CUX1: variants seen among roughly 807,000 people sequenced by gnomAD.
CUX1 encodes the protein protein CASP.
In CUX1, 31 loss-of-function variants were observed where a neutral mutation model predicts 158.8. The observed-to-expected ratio is 0.20, with a 90% confidence interval of 0.15 to 0.26. The LOEUF (loss-of-function observed/expected upper bound fraction) is 0.26. Ranked by LOEUF, CUX1 falls within the 10% of genes least tolerant of loss-of-function variation. The pLI is 1.00. For missense variants in CUX1, 1,589 were observed against 2,014.6 expected (o/e 0.79, Z 4.04); for synonymous variants, 879 against 862.1 (o/e 1.02, Z -0.34).
At chr7:102,056,578 C>A (rs879364366) in intron 3 of CUX1, among the ~76,000 whole-genome samples, 3 of 152,182 alleles carry the variant, frequency 2.0e-5, no homozygotes, top group Non-Finnish European at 4.4e-5. Flanking sequence ...AAAAAAGGTT[C>A]TTTTCTTTTC....
At chr7:102,123,917 G>A (rs553728567) in intron 8 of CUX1, among the ~76,000 whole-genome samples, 239 of 152,176 alleles carry the variant, frequency 1.6e-3, no homozygotes, top group Non-Finnish European at 2.9e-3. Context: ...ACTCATCTCG[G>A]CCTCCCAAAG....
At chr7:101,853,587 GTGTGT>G (rs1562930284) in intron 1 of CUX1, among the ~76,000 whole-genome samples, 12 of 69,772 alleles carry the variant, frequency 1.7e-4, no homozygotes, top group South Asian at 1.4e-3. Flanking sequence ...TAGAAAGGGT[GTGTGT>G]GTGTGTGTGT....
At position 102,250,974 on chromosome 7, in the gene CUX1, A is replaced by T. The variant is rs116205699; in HGVS notation, c.*1932A>T. The T allele has an allele frequency of 1.1e-3, 1,071 of 937,556 alleles. 1 individual carries two copies. The highest frequency in any genetic ancestry group is 1.2e-3 in the Non-Finnish European group (918 of 787,612). 58.1% of individuals were successfully genotyped at this position (937,556 alleles called of 1,614,324 possible). A position where few individuals can be genotyped will look rare whatever the true frequency, so the allele number is the denominator to read the frequency against. ...ATAGATGATTTCGGTATATATATATATTTTTTTTTGCTTATTTATAGGTGC... is the reference window on the plus strand; with the variant it reads ...ATAGATGATTTCGGTATATATATATTTTTTTTTTTGCTTATTTATAGGTGC... On this transcript the variant is annotated 3_prime_UTR_variant, in exon 24 of 24. Transcript: ENST00000292535.
chr7:102,017,334 G>C (rs1490575801), intron 2 of CUX1, among the ~76,000 whole-genome samples: 1 of 150,926 alleles, frequency 6.6e-6, no homozygotes, highest in Non-Finnish European at 1.5e-5. Context: ...TCTGGGAAGA[G>C]CATCTCTTCA....
rs1819876893 is a variant in CUX1 at position 102,025,362 on chromosome 7, C to T, written c.142-2736C>T. On this transcript the variant is annotated intron_variant, in intron 2 of 23. Transcript: ENST00000292535. Reference sequence around the variant, plus strand: ...AGATTGGTGGCCAGGCATGGTGGCTCACGCCTGTAATCCACAGCACTTCAG... The same window carrying T: ...AGATTGGTGGCCAGGCATGGTGGCTTACGCCTGTAATCCACAGCACTTCAG... 2.0e-5 allele frequency among the ~76,000 whole-genome samples: 3 copies of T among 152,116 alleles called. No individual in the cohort carries two copies. In the South Asian group the frequency reaches 6.2e-4, roughly 31 times the overall value.
In CUX1 at chr7:101,913,172, G is replaced by A. The variant is rs188223369; in HGVS notation, c.31-2943G>A. The A allele has an allele frequency of 1.0e-4, 25 of 247,328 alleles. No individual in the cohort carries two copies. The Admixed American group carries it at 1.2e-3, about 11-fold the overall frequency. 15.3% of individuals were successfully genotyped at this position (247,328 alleles called of 1,614,324 possible). On this transcript the variant is annotated intron_variant, in intron 1 of 23. Coordinates refer to ENST00000292535, the MANE Select transcript of CUX1 (RefSeq NM_181552.4). Reference sequence around the variant, plus strand: ...GTTTTTTAAAAAAATTTTCTCCAAGGGACCTGGTCAAAGATTTCAAGCCTT... The same window carrying A: ...GTTTTTTAAAAAAATTTTCTCCAAGAGACCTGGTCAAAGATTTCAAGCCTT...
intron 21 of CUX1, 115 bp downstream of exon 21, chr7:102,227,784 C>T (rs529504570): frequency 2.9e-6 from 3 of 1,031,146 alleles, no homozygotes; most frequent in South Asian, 1.5e-5. Context: ...GTGTAGGCAC[C>T]CTTTGAGAAC....
At chr7:102,038,972 T>C (rs1437786038) in intron 3 of CUX1, among the ~76,000 whole-genome samples, 2 of 152,044 alleles carry the variant, frequency 1.3e-5, no homozygotes, top group East Asian at 3.9e-4. Flanking sequence ...ATAAATAAAC[T>C]TATTTGCCCT....
At chr7:101,956,162 AAGG>A (rs1268599913) in intron 2 of CUX1, among the ~76,000 whole-genome samples, 5 of 151,362 alleles carry the variant, frequency 3.3e-5, no homozygotes, top group East Asian at 1.9e-4. Context: ...AAAAAAAAAA[AAGG>A]AGGCAGCTTT....
chr7:101,906,274 G>T (rs1483912994), intron 1 of CUX1, among the ~76,000 whole-genome samples: 6 of 152,012 alleles, frequency 3.9e-5, no homozygotes, highest in African/African-American at 1.5e-4. Context: ...CAGACTAGGG[G>T]AGCTGCCACG....
chr7:102,223,360 G>A (rs1554527714), intron 20 of CUX1, among the ~76,000 whole-genome samples: 3 of 152,108 alleles, frequency 2.0e-5, no homozygotes, highest in African/African-American at 7.2e-5. Context: ...TCATGTGTCA[G>A]GCATTGTGGG....
intron 23 of CUX1, among the ~76,000 whole-genome samples, chr7:102,242,409 C>T (rs1800329005): frequency 1.3e-5 from 2 of 151,950 alleles, no homozygotes; most frequent in South Asian, 4.2e-4. Flanking sequence ...CTGGGTTTCA[C>T]CATGTTGGCC....
chr7:102,185,887 T>G (rs909790835), intron 11 of CUX1, among the ~76,000 whole-genome samples: 1 of 152,164 alleles, frequency 6.6e-6, no homozygotes, highest in African/African-American at 2.4e-5. Flanking sequence ...CCAGAGATTT[T>G]TTTCTTTCTT....
At position 102,240,155 on chromosome 7, in the gene CUX1, G is replaced by C. The variant is rs1014729637; in HGVS notation, c.3887+571G>C. On this transcript the variant is annotated intron_variant, in intron 23 of 23. Coordinates refer to ENST00000292535, the MANE Select transcript of CUX1 (RefSeq NM_181552.4). ...GGTGGTATCTGCCATGACCCAGAAA[G>C]AAAATCACCTCTCGATTACATCATT... Among the ~76,000 whole-genome samples the C allele has an allele frequency of 6.6e-5, 10 of 152,174 alleles. No homozygotes were observed. In the South Asian group the frequency reaches 8.3e-4, roughly 13 times the overall value.
At chr7:102,013,597 C>G (rs1329751147) in intron 2 of CUX1, among the ~76,000 whole-genome samples, 3 of 152,224 alleles carry the variant, frequency 2.0e-5, no homozygotes, top group Non-Finnish European at 4.4e-5. Flanking sequence ...AACAATTTTC[C>G]ATAGATCCAA....
At position 102,124,442 on chromosome 7, in the gene CUX1, C is replaced by T. The variant is rs377740875; in HGVS notation, c.674+9169C>T. Among the ~76,000 whole-genome samples the T allele has an allele frequency of 3.3e-5, 5 of 152,344 alleles. No individual in the cohort carries two copies. The South Asian group carries it at 1.0e-3, about 32-fold the overall frequency. On this transcript the variant is annotated intron_variant, in intron 8 of 23. Transcript: ENST00000292535. ...TAGGTGAGGAAGTGACCTATGTGCC[C>T]AGCTTCAGATGAATGGATGAAGAAA... is the stretch of plus-strand genomic sequence containing the variant.
chr7:102,237,402 GCTACCCGA>G (rs1554533275), intron 22 of CUX1, among the ~76,000 whole-genome samples: 9 of 151,162 alleles, frequency 6.0e-5, no homozygotes, highest in African/African-American at 2.2e-4. Flanking sequence ...TCCCATCCCA[GCTACCCGA>G]GTAGCTGGGA....
chr7:102,200,246 G>C, intron 17 of CUX1, 74 bp downstream of exon 17: 1 of 1,220,038 alleles, frequency 8.2e-7, no homozygotes, highest in Non-Finnish European at 1.1e-6. Flanking sequence ...CTGGTCAGCA[G>C]TAATTAACTA....
chr7:101,895,311 TC>T (rs1801354033), intron 1 of CUX1, among the ~76,000 whole-genome samples: 1 of 152,134 alleles, frequency 6.6e-6, no homozygotes, highest in South Asian at 2.1e-4. Context: ...GTTTTGTAGC[TC>T]CTCAAAAAGG....
Sources: allele counts gnomAD v4.1 joint callset (sites outside exome capture counted in the v4.1 genomes callset), GRCh38; gene constraint gnomAD v4.1.1; transcripts MANE v1.5; gene names NCBI Gene and HGNC (gene_info 2026-07-23, HGNC 2026-07-21).